KLHL1: variants seen among roughly 807,000 people sequenced by gnomAD.
The protein encoded by KLHL1 is kelch-like protein 1.
In KLHL1, 47 loss-of-function variants were observed where a neutral mutation model predicts 77.7. The observed-to-expected ratio is 0.60, with a 90% CI of 0.48 to 0.77. The LOEUF is 0.77. Ranked by LOEUF, KLHL1 falls within the 30% of genes least tolerant of loss-of-function variation. The pLI is 0.00. For synonymous variants in KLHL1, 360 were observed against 325.2 expected, an observed-to-expected ratio of 1.11 and a Z score of -1.15; for missense variants, 925 against 910.8, an observed-to-expected ratio of 1.02 and a Z score of -0.20.
intron 1 of KLHL1, among the ~76,000 whole-genome samples, chr13:69,992,683 A>G (rs929665350): frequency 6.6e-6 from 1 of 152,024 alleles, no homozygotes; most frequent in African/African-American, 2.4e-5. Flanking sequence ...TCATTATTCC[A>G]AAAGGTAAAG....
intron 1 of KLHL1, among the ~76,000 whole-genome samples, chr13:70,094,236 G>A (rs1004865735): frequency 1.5e-4 from 23 of 151,994 alleles, no homozygotes; most frequent in African/African-American, 5.1e-4. Flanking sequence ...TGAGGTGGGC[G>A]GATAACTTGA....
At chr13:69,756,715 G>T (rs932797252) in intron 7 of KLHL1, among the ~76,000 whole-genome samples, 1 of 152,172 alleles carries the variant, frequency 6.6e-6, no homozygotes. Context: ...AGGATTCCAT[G>T]ATGTGGCCTC....
intron 1 of KLHL1, among the ~76,000 whole-genome samples, chr13:70,050,319 G>T (rs1224550311): frequency 1.3e-5 from 2 of 151,618 alleles, no homozygotes; most frequent in African/African-American, 4.8e-5. Flanking sequence ...TTCAGAAGAA[G>T]CTTCTACCTT....
chr13:69,991,868 G>A (rs1183579163), intron 1 of KLHL1, among the ~76,000 whole-genome samples: 2 of 151,850 alleles, frequency 1.3e-5, no homozygotes, highest in Non-Finnish European at 2.9e-5. Context: ...AAGCATAAGG[G>A]CATTTTATAT....
At chr13:69,981,300 G>C (rs1566469584) in intron 1 of KLHL1, among the ~76,000 whole-genome samples, 1 of 151,948 alleles carries the variant, frequency 6.6e-6, no homozygotes. Context: ...TTGCAAACAA[G>C]AATTTCTGGA....
At chr13:69,990,876 A>G (rs1354634920) in intron 1 of KLHL1, among the ~76,000 whole-genome samples, 3 of 151,928 alleles carry the variant, frequency 2.0e-5, no homozygotes, top group Non-Finnish European at 4.4e-5. Context: ...CACACGGTAC[A>G]TGCTCTAAAG....
At chr13:69,873,265 A>G (rs895229804) in intron 5 of KLHL1, among the ~76,000 whole-genome samples, 7 of 152,204 alleles carry the variant, frequency 4.6e-5, no homozygotes, top group Non-Finnish European at 8.8e-5. Context: ...ACACATATTT[A>G]TGCCTTTAGT....
chr13:69,892,533 T>TTA (rs1881460457), intron 4 of KLHL1, among the ~76,000 whole-genome samples: 2 of 152,196 alleles, frequency 1.3e-5, no homozygotes, highest in Admixed American at 1.3e-4. Context: ...TAAGAAGGTA[T>TTA]GTATATTGTG....
chr13:69,987,598 AAAG>A (rs1407419755), intron 1 of KLHL1, among the ~76,000 whole-genome samples: 5 of 151,960 alleles, frequency 3.3e-5, no homozygotes, highest in Non-Finnish European at 7.4e-5. Context: ...CAGTGGAAGT[AAAG>A]AAGGTTGGAA....
intron 1 of KLHL1, among the ~76,000 whole-genome samples, chr13:70,084,175 T>A (rs369346362): frequency 1.3e-5 from 2 of 152,154 alleles, no homozygotes; most frequent in South Asian, 2.1e-4. Flanking sequence ...GAAGGTACTT[T>A]AAATTATACA....
At chr13:69,913,587 A>G (rs1409934896) in intron 4 of KLHL1, among the ~76,000 whole-genome samples, 5 of 152,234 alleles carry the variant, frequency 3.3e-5, no homozygotes, top group African/African-American at 1.2e-4. Flanking sequence ...ATTACTTTTC[A>G]TATATTTTGG....
At chr13:69,758,345 G>T (rs1158746207) in intron 7 of KLHL1, among the ~76,000 whole-genome samples, 1 of 152,014 alleles carries the variant, frequency 6.6e-6, no homozygotes, top group Non-Finnish European at 1.5e-5. Context: ...CACAAGATAA[G>T]ATTTCCGTAA....
At chr13:69,762,225 T>C (rs932751852) in intron 7 of KLHL1, among the ~76,000 whole-genome samples, 1 of 152,128 alleles carries the variant, frequency 6.6e-6, no homozygotes, top group East Asian at 1.9e-4. Flanking sequence ...ACAATGGCAT[T>C]AGGCAAAACT....
chr13:70,101,290 T>C (rs552548604), intron 1 of KLHL1, among the ~76,000 whole-genome samples: 3 of 152,118 alleles, frequency 2.0e-5, no homozygotes, highest in Non-Finnish European at 4.4e-5. Flanking sequence ...CATGTTTCAT[T>C]GTTGTAATTT....
chr13:70,030,424 T>G (rs1174841824), intron 1 of KLHL1, among the ~76,000 whole-genome samples: 7 of 152,082 alleles, frequency 4.6e-5, no homozygotes, highest in African/African-American at 1.7e-4. Flanking sequence ...AAACTAGAAC[T>G]CAGGATTAAG....
At chr13:69,850,482 C>A (rs1486000160) in intron 5 of KLHL1, among the ~76,000 whole-genome samples, 1 of 151,496 alleles carries the variant, frequency 6.6e-6, no homozygotes, top group Non-Finnish European at 1.5e-5. Flanking sequence ...TTGTCTAGGA[C>A]CCTTCCATTT....
In KLHL1 at chr13:69,740,437, A is replaced by C. The variant is rs766877508; in HGVS notation, c.1759T>G (p.Ser587Ala). 4 of 1,611,412 alleles carry C rather than the reference A, an allele frequency of 2.5e-6. No homozygotes were observed. The South Asian group carries it at 4.4e-5, about 18-fold the overall frequency. Residue 587 changes from serine to alanine, a missense_variant, in exon 8 of 11, where the codon TCA (serine) becomes GCA (alanine). Coordinates refer to ENST00000377844, the MANE Select transcript of KLHL1 (RefSeq NM_020866.3). ...SQQWTFVASM[S>A]IARSTVGVAA... ...ACACCAACTGTGCTCCGAGCAATTGACATACTGGCTACAAATGTCCATTGT... is the reference window on the plus strand; with the variant it reads ...ACACCAACTGTGCTCCGAGCAATTGCCATACTGGCTACAAATGTCCATTGT...
rs1263100269 is a variant in KLHL1, at chr13:69,796,794, G to C, written c.1583C>G (p.Pro528Arg). ...TAAGACAGTCCATGTCTTGGTTTTG[G>C]GATTGTAACATTCAACAGTGTTCAA... ...KTLNTVECYN[P>R]KTKTWTVLPP... Residue 528 changes from proline to arginine, a missense_variant, in exon 7 of 11, where the codon CCC (proline) becomes CGC (arginine). Physicochemically the swap from Pro to Arg is moderately radical, Grantham distance 103. Transcript: ENST00000377844. 1 of 1,614,062 alleles carries C rather than the reference G, an allele frequency of 6.2e-7. No homozygotes were observed. The highest frequency in any genetic ancestry group is 2.2e-5 in the East Asian group (1 of 44,864).
intron 4 of KLHL1, among the ~76,000 whole-genome samples, chr13:69,917,185 TAG>T (rs1267768473): frequency 1.3e-5 from 2 of 151,984 alleles, no homozygotes; most frequent in Non-Finnish European, 2.9e-5. Flanking sequence ...TTATGAGAAG[TAG>T]AGTTATCTGT....
Sources: gnomAD v4.1 joint callset for allele counts (sites outside exome capture counted in the v4.1 genomes callset) on GRCh38, gnomAD v4.1.1 for gene constraint, MANE v1.5 for transcripts, NCBI Gene and HGNC (gene_info 2026-07-23, HGNC 2026-07-21) for gene names.